ARIH2: variants seen among roughly 807,000 people sequenced by gnomAD.
The protein encoded by ARIH2 is E3 ubiquitin-protein ligase ARIH2.
Under a neutral mutation model 79.8 loss-of-function variants are expected in ARIH2, and 12 were observed. That is an observed-to-expected ratio of 0.15 (90% confidence interval 0.10 to 0.24). ARIH2 has a LOEUF of 0.24. Ranked by LOEUF, ARIH2 falls within the 10% of genes least tolerant of loss-of-function variation. The pLI is 1.00. For synonymous variants in ARIH2, 224 were observed against 213.9 expected, an observed-to-expected ratio of 1.05 and a Z score of -0.41; for missense variants, 301 against 618.3, an observed-to-expected ratio of 0.49 and a Z score of 5.44.
At chr3:48,942,997 T>C (rs1041136404) in intron 3 of ARIH2, among the ~76,000 whole-genome samples, 1 of 152,148 alleles carries the variant, frequency 6.6e-6, no homozygotes, top group African/African-American at 2.4e-5. Context: ...CAAGCTGGTC[T>C]TGAATTCCTG....
chr3:48,945,804 C>T lies in ARIH2; in HGVS notation c.256-15808C>T, dbSNP rs368057958. Among the ~76,000 whole-genome samples, 25 of 152,182 alleles carry T rather than the reference C, an allele frequency of 1.6e-4. 1 individual carries two copies. The highest frequency in any genetic ancestry group is 1.2e-3 in the East Asian group (6 of 5,182). ...ATTTGTGATCTGAAAAATGATATCA[C>T]AATCTGCTTACACTGAATAAAGCTG... On this transcript the variant is annotated intron_variant, in intron 3 of 15. Transcript: ENST00000356401.
chr3:48,975,169 C>A, intron 11 of ARIH2, 190 bp downstream of exon 11: 2 of 852,078 alleles, frequency 2.3e-6, no homozygotes, highest in Non-Finnish European at 3.6e-6. Context: ...CTCTTATAAT[C>A]CCACTGCTAT....
At chr3:48,919,259 G>T in intron 1 of ARIH2, 1 of 1,182,410 alleles carries the variant, frequency 8.5e-7, no homozygotes. Context: ...AACCGGCGCC[G>T]GCACATCTAG....
chr3:48,948,690 A>G (rs1365698609), intron 3 of ARIH2, among the ~76,000 whole-genome samples: 1 of 152,232 alleles, frequency 6.6e-6, no homozygotes, highest in Non-Finnish European at 1.5e-5. Flanking sequence ...TTCATCACCT[A>G]AAAAATTCCC....
chr3:48,945,001 G>A, intron 3 of ARIH2: 1 of 654,794 alleles, frequency 1.5e-6, no homozygotes. Context: ...ACTAGTGTTT[G>A]TTAACAAAAG....
rs1235552363 is a variant in ARIH2, at chr3:48,983,370, A to G, written c.*100A>G. ...GCTCTGCCTTTCATGACCCCAGGCA[A>G]CAGCCAGGGCCCCACTCCTGAGAGA... On this transcript the variant is annotated 3_prime_UTR_variant, in exon 16 of 16. Transcript: ENST00000356401. 6 of 1,150,670 alleles carry G rather than the reference A, an allele frequency of 5.2e-6. No homozygotes were observed. The allele number at this position is 1,150,670 out of a possible 1,614,324, so 71.3% of individuals were successfully genotyped here. A position where few individuals can be genotyped will look rare whatever the true frequency, so the allele number is the denominator to read the frequency against.
In ARIH2 at chr3:48,983,117, C is replaced by T. The variant is rs2092809710; in HGVS notation, c.1411-82C>T. On this transcript the variant is annotated intron_variant, in intron 15 of 15. Transcript: ENST00000356401. ...GCAGTGTTTTTGACTCCTTGGAGGTCCTGGAGGGTGTTTGTGGCTTTGGCT... is the reference window on the plus strand; with the variant it reads ...GCAGTGTTTTTGACTCCTTGGAGGTTCTGGAGGGTGTTTGTGGCTTTGGCT... 1.9e-6 allele frequency: 3 copies of T among 1,551,828 alleles called. No homozygotes were observed. In the Admixed American group the frequency reaches 5.0e-5, roughly 26 times the overall value.
chr3:48,948,280 T>C (rs924905745), intron 3 of ARIH2, among the ~76,000 whole-genome samples: 2 of 151,576 alleles, frequency 1.3e-5, no homozygotes, highest in African/African-American at 4.9e-5. Context: ...TTTTATTTTA[T>C]TTTTTGAGAC....
At position 48,936,138 on chromosome 3, in the gene ARIH2, T is replaced by G. The variant is rs1397958884; in HGVS notation, c.255+8325T>G. ...AGCACTACTTAGTGTTTACTTGTTT[T>G]GGGGGTTCTTGTTATTGAGACACCT... On this transcript the variant is annotated intron_variant, in intron 3 of 15. Transcript: ENST00000356401. Among the ~76,000 whole-genome samples, 2 of 152,210 alleles carry G rather than the reference T, an allele frequency of 1.3e-5. 1 individual carries two copies. The highest frequency in any genetic ancestry group is 4.8e-5 in the African/African-American group (2 of 41,454).
rs1056600829 is a variant in ARIH2 at position 48,979,973 on chromosome 3, C to G, written c.1113+340C>G. 2.1e-5 allele frequency: 5 copies of G among 241,700 alleles called. No individual in the cohort carries two copies. In the East Asian group the frequency reaches 2.3e-4, roughly 11 times the overall value. 15.0% of individuals were successfully genotyped at this position (241,700 alleles called of 1,614,324 possible). ...TTTTATTTATTTTTTTCTTTCTGTC[C>G]TCACAATCTGTTCCCATAGTATCAT... On this transcript the variant is annotated intron_variant, in intron 12 of 15. Transcript: ENST00000356401.
chr3:48,980,581 A>G (rs2092711121), intron 13 of ARIH2, 85 bp downstream of exon 13: 1 of 1,497,274 alleles, frequency 6.7e-7, no homozygotes. Flanking sequence ...AGCTCTGTTG[A>G]AAGAGGGTAT....
chr3:48,980,532 G>A, intron 13 of ARIH2, 36 bp downstream of exon 13: 1 of 1,607,994 alleles, frequency 6.2e-7, no homozygotes, highest in Non-Finnish European at 8.5e-7. Flanking sequence ...CCCTGGTCCA[G>A]TGCCTGGCTC....
At chr3:48,962,642 T>G (rs145589111) in intron 4 of ARIH2, among the ~76,000 whole-genome samples, 1 of 152,286 alleles carries the variant, frequency 6.6e-6, no homozygotes, top group African/African-American at 2.4e-5. Context: ...CATTTTAGAC[T>G]AGATAACTCT....
intron 3 of ARIH2, among the ~76,000 whole-genome samples, chr3:48,948,455 A>G (rs560913392): frequency 1.3e-5 from 2 of 150,374 alleles, no homozygotes; most frequent in East Asian, 3.9e-4. Flanking sequence ...TTTAGTGCTA[A>G]TTTTATATTT....
intron 4 of ARIH2, among the ~76,000 whole-genome samples, chr3:48,964,218 G>C (rs2091554154): frequency 6.6e-6 from 1 of 151,804 alleles, no homozygotes; most frequent in Non-Finnish European, 1.5e-5. Context: ...TATTGGCCAG[G>C]TTGGTCTCAA....
chr3:48,973,714 G>A lies in ARIH2; in HGVS notation c.786G>A (p.Gln262=), dbSNP rs925372412. Residue 262 remains glutamine (Q), a synonymous_variant, in exon 9 of 16, where the codon CAG becomes CAA. Transcript: ENST00000356401. ...CAATTTTAAGTTTCAAGTGTCGTCAGATGTATCACGCACCCACAGACTGTG... is the reference window on the plus strand; with the variant it reads ...CAATTTTAAGTTTCAAGTGTCGTCAAATGTATCACGCACCCACAGACTGTG... The part of the protein sequence containing the change: ...CNEVFCFKCR[Q]MYHAPTDCAT... The A allele has an allele frequency of 1.2e-6, 2 of 1,613,642 alleles. No homozygotes were observed. The highest frequency in any genetic ancestry group is 1.3e-5 in the African/African-American group (1 of 74,900).
chr3:48,980,544 G>C (rs377260388), intron 13 of ARIH2, 48 bp downstream of exon 13: 1 of 1,596,964 alleles, frequency 6.3e-7, no homozygotes, highest in South Asian at 1.1e-5. Flanking sequence ...GCCTGGCTCC[G>C]TCAGGCACAG....
chr3:48,947,282 A>G (rs968163410), intron 3 of ARIH2, among the ~76,000 whole-genome samples: 4 of 152,162 alleles, frequency 2.6e-5, no homozygotes, highest in African/African-American at 9.7e-5. Flanking sequence ...TCTCTACTAA[A>G]AATACAAAAT....
At chr3:48,941,677 C>G (rs1262860962) in intron 3 of ARIH2, among the ~76,000 whole-genome samples, 1 of 150,126 alleles carries the variant, frequency 6.7e-6, no homozygotes, top group Non-Finnish European at 1.5e-5. Context: ...ACTGCAAGCT[C>G]CACCTCCCGG....
Sources: gnomAD v4.1 joint callset for allele counts (sites outside exome capture counted in the v4.1 genomes callset) on GRCh38, gnomAD v4.1.1 for gene constraint, MANE v1.5 for transcripts, NCBI Gene and HGNC (gene_info 2026-07-23, HGNC 2026-07-21) for gene names.